The following LRFN5 variants were observed in gnomAD, a reference collection of about 807,000 sequenced individuals.
The protein encoded by LRFN5 is leucine-rich repeat and fibronectin type-III domain-containing protein 5.
LRFN5 carries 24 observed loss-of-function variants against 45.6 expected under a neutral mutation model. The observed-to-expected ratio is 0.53, with a 90% CI of 0.38 to 0.74. The LOEUF (loss-of-function observed/expected upper bound fraction) is 0.74, where lower values mean the gene tolerates loss of function less well. LRFN5 is among the 30% of genes least tolerant of loss of function. LRFN5 has a pLI of 0.00. For missense variants in LRFN5, 776 were observed against 861.5 expected (o/e 0.90, Z 1.24); for synonymous variants, 340 against 313.8 (o/e 1.08, Z -0.88).
intron 1 of LRFN5, among the ~76,000 whole-genome samples, chr14:41,720,894 G>A (rs1883686660): frequency 6.6e-6 from 1 of 151,996 alleles, no homozygotes; most frequent in Non-Finnish European, 1.5e-5. Flanking sequence ...ATGTCTGTTA[G>A]ATACAATTGG....
intron 2 of LRFN5, among the ~76,000 whole-genome samples, chr14:41,825,624 G>A (rs941857384): frequency 1.3e-5 from 2 of 152,224 alleles, no homozygotes. Context: ...CTGAGCAGTT[G>A]TTGGTGTATA....
chr14:41,672,130 A>T (rs925037965), intron 1 of LRFN5, among the ~76,000 whole-genome samples: 1 of 152,202 alleles, frequency 6.6e-6, no homozygotes, highest in Non-Finnish European at 1.5e-5. Flanking sequence ...TATTTTTTAA[A>T]TTGGAATAAT....
intron 1 of LRFN5, among the ~76,000 whole-genome samples, chr14:41,702,159 A>G (rs1594628694): frequency 6.6e-6 from 1 of 152,184 alleles, no homozygotes; most frequent in East Asian, 1.9e-4. Flanking sequence ...GCTAATTGCT[A>G]TTAGCATGAC....
intron 1 of LRFN5, among the ~76,000 whole-genome samples, chr14:41,685,635 T>C (rs34464363): frequency 0.27 from 41,155 of 152,052 alleles, 6,640 homozygotes; most frequent in East Asian, 0.76. Context: ...TTGGGTTAAT[T>C]TTTGTATAAG....
intron 2 of LRFN5, among the ~76,000 whole-genome samples, chr14:41,858,588 C>G (rs954894708): frequency 1.3e-5 from 2 of 152,048 alleles, no homozygotes; most frequent in African/African-American, 4.8e-5. Flanking sequence ...AAAACTAAAC[C>G]AAGCAAGACA....
intron 1 of LRFN5, among the ~76,000 whole-genome samples, chr14:41,698,853 G>C (rs527860991): frequency 1.4e-3 from 212 of 152,112 alleles, no homozygotes; most frequent in African/African-American, 5.0e-3. Context: ...AATAATGGGT[G>C]GTAATCATTG....
At chr14:41,735,676 T>A (rs1221997944) in intron 1 of LRFN5, among the ~76,000 whole-genome samples, 1 of 152,152 alleles carries the variant, frequency 6.6e-6, no homozygotes, top group Non-Finnish European at 1.5e-5. Context: ...TATATAGGAA[T>A]ACAAGTGCCG....
At chr14:41,761,521 A>C (rs980688951) in intron 1 of LRFN5, among the ~76,000 whole-genome samples, 1 of 152,126 alleles carries the variant, frequency 6.6e-6, no homozygotes, top group African/African-American at 2.4e-5. Context: ...CCAAACCACT[A>C]AGAGCGACAA....
chr14:41,660,454 T>C (rs1880595393), intron 1 of LRFN5, among the ~76,000 whole-genome samples: 1 of 152,110 alleles, frequency 6.6e-6, no homozygotes, highest in African/African-American at 2.4e-5. Flanking sequence ...TCTACAAACC[T>C]GAATTTACAA....
chr14:41,898,856 T>A, intron 4 of LRFN5, 61 bp from the exon 5 acceptor site: 1 of 1,454,586 alleles, frequency 6.9e-7, no homozygotes, highest in Non-Finnish European at 9.5e-7. Flanking sequence ...GTAAGAGGTT[T>A]TTTGAATCTA....
intron 2 of LRFN5, among the ~76,000 whole-genome samples, chr14:41,786,220 G>A (rs1303016411): frequency 1.3e-5 from 2 of 152,014 alleles, no homozygotes; most frequent in African/African-American, 4.8e-5. Flanking sequence ...ATACCCACAA[G>A]ATATTTATCA....
intron 1 of LRFN5, among the ~76,000 whole-genome samples, chr14:41,674,706 C>G (rs1374011857): frequency 1.3e-5 from 2 of 151,110 alleles, no homozygotes; most frequent in East Asian, 4.0e-4. Flanking sequence ...GGGGGCTGAC[C>G]CCCCTACCTC....
intron 1 of LRFN5, among the ~76,000 whole-genome samples, chr14:41,644,294 C>G (rs1879712319): frequency 6.6e-6 from 1 of 152,094 alleles, no homozygotes; most frequent in South Asian, 2.1e-4. Flanking sequence ...TGCATGTAGG[C>G]AGATTCCAAG....
chr14:41,751,926 C>G (rs1566652236), intron 1 of LRFN5, among the ~76,000 whole-genome samples: 1 of 152,100 alleles, frequency 6.6e-6, no homozygotes, highest in Non-Finnish European at 1.5e-5. Flanking sequence ...CCCGCCAACC[C>G]ACAACAGGCC....
intron 1 of LRFN5, among the ~76,000 whole-genome samples, chr14:41,725,461 A>G (rs955457845): frequency 1.3e-5 from 2 of 152,182 alleles, no homozygotes; most frequent in African/African-American, 4.8e-5. Flanking sequence ...TGTCTCTTCT[A>G]ACCCTTACTG....
At chr14:41,799,215 T>C (rs538466156) in intron 2 of LRFN5, among the ~76,000 whole-genome samples, 1 of 152,016 alleles carries the variant, frequency 6.6e-6, no homozygotes, top group Non-Finnish European at 1.5e-5. Flanking sequence ...AACGTCAGAA[T>C]ATGAAGACCT....
At chr14:41,644,629 G>T (rs1191528331) in intron 1 of LRFN5, among the ~76,000 whole-genome samples, 1 of 151,976 alleles carries the variant, frequency 6.6e-6, no homozygotes, top group Non-Finnish European at 1.5e-5. Context: ...ACTGGCAGAG[G>T]TTGAATTAAA....
intron 2 of LRFN5, among the ~76,000 whole-genome samples, chr14:41,795,334 G>A (rs1321513576): frequency 6.6e-6 from 1 of 152,130 alleles, no homozygotes; most frequent in Non-Finnish European, 1.5e-5. Flanking sequence ...TGGTGGGACT[G>A]TAAACTAGTT....
At chr14:41,683,879 A>G (rs1327933395) in intron 1 of LRFN5, among the ~76,000 whole-genome samples, 1 of 152,238 alleles carries the variant, frequency 6.6e-6, no homozygotes, top group African/African-American at 2.4e-5. Context: ...TGCCCAAGGT[A>G]ATCTATAGAT....
Sources: allele counts gnomAD v4.1 joint callset (sites outside exome capture counted in the v4.1 genomes callset), GRCh38; gene constraint gnomAD v4.1.1; transcripts MANE v1.5; gene names NCBI Gene and HGNC (gene_info 2026-07-23, HGNC 2026-07-21).